The following STK11 variants were observed in gnomAD, a reference collection of about 807,000 sequenced individuals.
STK11 encodes the protein serine/threonine kinase 11, also known as serine/threonine-protein kinase STK11.
In STK11, 8 loss-of-function variants were observed where a neutral mutation model predicts 47.3. The ratio of observed to expected loss-of-function variants is 0.17; its 90% CI spans 0.10 to 0.31. STK11 has a LOEUF of 0.31. STK11 is among the 10% of genes least tolerant of loss of function. The probability of loss-of-function intolerance (pLI) is 1.00; values close to 1 mark genes in which losing one functional copy is unlikely to be tolerated. For missense variants in STK11, 475 were observed against 605.0 expected (o/e 0.79, Z 2.25); for synonymous variants, 330 against 255.8 (o/e 1.29, Z -2.77).
chr19:1,223,327 C>CGCCCT (rs1217508134), intron 8 of STK11, among the ~76,000 whole-genome samples, 155 bp downstream of exon 8: 3 of 152,216 alleles, frequency 2.0e-5, no homozygotes, highest in Non-Finnish European at 4.4e-5. Context: ...AGGCTGCCTC[C>CGCCCT]GCCCTGCGGG....
At chr19:1,221,570 G>A (rs565916862) in intron 6 of STK11, 3 of 666,824 alleles carry the variant, frequency 4.5e-6, no homozygotes, top group East Asian at 2.8e-5. Context: ...AGAGGGCAGT[G>A]CTGCCCTGCG....
Position 1,228,274 on chromosome 19 carries a change from G to A in STK11, c.*698G>A. 6.3e-6 allele frequency: 2 copies of A among 319,702 alleles called. No individual in the cohort carries two copies. Among genetic ancestry groups the A allele is most frequent in the Non-Finnish European group, 1.0e-5 (2 of 197,554 alleles). 19.8% of individuals were successfully genotyped at this position (319,702 alleles called of 1,614,324 possible). ...CTCTTGGGACCCCAGAGAAAACCCG[G>A]AGCAAGCAGGAGTGTGCGGTCAATA... On this transcript the variant is annotated 3_prime_UTR_variant, in exon 10 of 10. Transcript: ENST00000326873.
chr19:1,207,550 C>T (rs1198559589), intron 1 of STK11, among the ~76,000 whole-genome samples: 2 of 152,194 alleles, frequency 1.3e-5, no homozygotes, highest in South Asian at 2.1e-4. Context: ...CAGAGGCGCC[C>T]AGTGGAATCA....
chr19:1,212,085 G>A (rs1482991095), intron 1 of STK11, among the ~76,000 whole-genome samples: 1 of 152,062 alleles, frequency 6.6e-6, no homozygotes. Flanking sequence ...GGTCCACTGG[G>A]GGTTCTGGGC....
chr19:1,220,756 A>G lies in STK11; in HGVS notation c.734+39A>G, dbSNP rs779896894. On this transcript the variant is annotated intron_variant, in intron 5 of 9. Coordinates refer to ENST00000326873, the MANE Select transcript of STK11 (RefSeq NM_000455.5). The stretch of plus-strand genomic sequence containing the variant: ...CCCCCCGGGCACTCACCACACGCAC[A>G]CTCCGAGGGGCCTCTGCGTCTTGGG... 3.2e-6 allele frequency: 5 copies of G among 1,571,524 alleles called. No homozygotes were observed. The highest frequency in any genetic ancestry group is 3.5e-6 in the Non-Finnish European group (4 of 1,154,992).
At chr19:1,224,960 T>C in intron 8 of STK11, 1 of 985,524 alleles carries the variant, frequency 1.0e-6, no homozygotes, top group Non-Finnish European at 1.2e-6. Context: ...CCCGGCGCCC[T>C]CGGGTCAGGC....
chr19:1,217,644 C>T (rs997074809), intron 1 of STK11, among the ~76,000 whole-genome samples: 4 of 152,160 alleles, frequency 2.6e-5, no homozygotes, highest in African/African-American at 4.8e-5. Flanking sequence ...CTTTCTGTGG[C>T]GTCTCCTTCT....
At chr19:1,226,171 C>G (rs1376422695) in intron 8 of STK11, 1 of 1,285,708 alleles carries the variant, frequency 7.8e-7, no homozygotes, top group South Asian at 2.0e-5. Context: ...TTCCTGCAGT[C>G]AGTACCTGGG....
At chr19:1,216,820 G>T (rs891769081) in intron 1 of STK11, among the ~76,000 whole-genome samples, 1 of 148,378 alleles carries the variant, frequency 6.7e-6, no homozygotes, top group Non-Finnish European at 1.5e-5. Context: ...CTGGGCGACA[G>T]GGAAACCCTG....
chr19:1,209,567 G>A (rs2080694696), intron 1 of STK11, among the ~76,000 whole-genome samples: 4 of 151,562 alleles, frequency 2.6e-5, no homozygotes, highest in Non-Finnish European at 5.9e-5. Flanking sequence ...GGGCGACACA[G>A]CGAGACTCTG....
chr19:1,226,601 C>A lies in STK11; in HGVS notation c.1256C>A (p.Ser419Tyr). Residue 419 changes from serine (S) to tyrosine (Y), a missense_variant, in exon 9 of 10, where the codon TCC (serine) becomes TAC (tyrosine). Physicochemically the swap from Ser to Tyr is moderately radical, Grantham distance 144. Transcript: ENST00000326873. Reference sequence around the variant, plus strand: ...CCCAACCCTGCCCGCAAGGCCTGCTCCGCCAGCAGCAAGATCCGCCGGCTG... The same window carrying A: ...CCCAACCCTGCCCGCAAGGCCTGCTACGCCAGCAGCAAGATCCGCCGGCTG... ...RAPNPARKAC[S>Y]ASSKIRRLSA... 1 of 1,563,632 alleles carries A rather than the reference C, an allele frequency of 6.4e-7. No homozygotes were observed. Among genetic ancestry groups the A allele is most frequent in the Non-Finnish European group, 8.6e-7 (1 of 1,156,104 alleles).
intron 2 of STK11, 60 bp downstream of exon 2, chr19:1,218,560 C>G: frequency 1.4e-6 from 2 of 1,448,528 alleles, no homozygotes; most frequent in Admixed American, 3.4e-5. Flanking sequence ...GCCCTGGGTC[C>G]GCCTGCCTCG....
intron 1 of STK11, among the ~76,000 whole-genome samples, chr19:1,209,583 AAAATAAATAAAT>A (rs35010183): frequency 0.023 from 3,434 of 147,262 alleles, 84 homozygotes; most frequent in African/African-American, 0.059. Flanking sequence ...CTCTGTCTCA[AAAATAAATAAAT>A]AAATAAATAA....
At chr19:1,223,906 C>T in intron 8 of STK11, 1 of 1,015,040 alleles carries the variant, frequency 9.9e-7, no homozygotes, top group African/African-American at 1.7e-5. Flanking sequence ...TGCGCTCGGG[C>T]TGGAGCCTGA....
chr19:1,221,476 C>G, intron 6 of STK11, 136 bp downstream of exon 6: 1 of 1,351,450 alleles, frequency 7.4e-7, no homozygotes, highest in South Asian at 1.5e-5. Context: ...GTGGAGAGGC[C>G]GACCTCCCCG....
rs587782452 is a variant in STK11, at chr19:1,219,426, G to A, written c.464+13G>A. ...GCCAGGCCCACGGGTGCGTGCGCGG[G>A]GCAGGGGCCAGGGTGGGGCGGGGGC... On this transcript the variant is annotated intron_variant, in intron 3 of 9. Transcript: ENST00000326873. 1 of 1,534,038 alleles carries A rather than the reference G, an allele frequency of 6.5e-7. No homozygotes were observed.
chr19:1,220,412 T>C lies in STK11; in HGVS notation c.504T>C (p.His168=), dbSNP rs754986576. ...TGATTGACGGCCTGGAGTACCTGCATAGCCAGGGCATTGTGCACAAGGACA... is the reference window on the plus strand; with the variant it reads ...TGATTGACGGCCTGGAGTACCTGCACAGCCAGGGCATTGTGCACAAGGACA... ...CQLIDGLEYL[H]SQGIVHKDIK... The change falls in exon 4 of 10, where the codon CAT becomes CAC. Residue 168 remains histidine (H), a synonymous_variant. Transcript: ENST00000326873. 1.2e-6 allele frequency: 2 copies of C among 1,605,128 alleles called. No individual in the cohort carries two copies. Among genetic ancestry groups the C allele is most frequent in the Non-Finnish European group, 1.7e-6 (2 of 1,176,434 alleles).
intron 1 of STK11, among the ~76,000 whole-genome samples, chr19:1,217,592 G>A (rs535481644): frequency 1.5e-4 from 23 of 152,334 alleles, no homozygotes; most frequent in African/African-American, 5.3e-4. Flanking sequence ...TGCAGAGGGG[G>A]CAGTGACAGG....
Position 1,221,688 on chromosome 19 carries a change from C to G in STK11, c.863-261C>G, listed in dbSNP as rs1169964574. 6 of 590,160 alleles carry G rather than the reference C, an allele frequency of 1.0e-5. No individual in the cohort carries two copies. The East Asian group carries it at 1.7e-4, about 17-fold the overall frequency. 36.6% of individuals were successfully genotyped at this position (590,160 alleles called of 1,614,324 possible). A position where few individuals can be genotyped will look rare whatever the true frequency, so the allele number is the denominator to read the frequency against. On this transcript the variant is annotated intron_variant, in intron 6 of 9. Coordinates refer to ENST00000326873, the MANE Select transcript of STK11 (RefSeq NM_000455.5). ...CAGGTGGCACTGGCCGTCCGTCCAT[C>G]TGCCCAGTGGCCTTGGGAGAACGGA...
Sources: allele counts gnomAD v4.1 joint callset (sites outside exome capture counted in the v4.1 genomes callset), GRCh38; gene constraint gnomAD v4.1.1; transcripts MANE v1.5; gene names NCBI Gene and HGNC (gene_info 2026-07-23, HGNC 2026-07-21).